Variants in ACOT12 observed in about 807,000 individuals in gnomAD.
The protein encoded by ACOT12 is acyl-CoA thioesterase 12, also known as acetyl-coenzyme A thioesterase.
In ACOT12, 51 loss-of-function variants were observed where a neutral mutation model predicts 67.7. That is an observed-to-expected ratio of 0.75 (90% CI 0.60 to 0.95). The LOEUF (loss-of-function observed/expected upper bound fraction) is 0.95, where lower values mean the gene tolerates loss of function less well. Among genes scored for constraint, ACOT12 ranks in the 40% least tolerant of loss-of-function variants. ACOT12 has a pLI of 0.00. For synonymous variants in ACOT12, 251 were observed against 244.6 expected (o/e 1.03, Z -0.24); for missense variants, 734 against 708.1 (o/e 1.04, Z -0.41).
chr5:81,373,838 G>A (rs903470382), intron 2 of ACOT12, among the ~76,000 whole-genome samples: 5 of 152,080 alleles, frequency 3.3e-5, no homozygotes, highest in Non-Finnish European at 5.9e-5. Flanking sequence ...CTCTGGGCAG[G>A]GCATCTCTGA....
chr5:81,376,135 C>T (rs529775885), intron 2 of ACOT12, among the ~76,000 whole-genome samples: 1 of 152,216 alleles, frequency 6.6e-6, no homozygotes, highest in African/African-American at 2.4e-5. Context: ...TCATAACAAA[C>T]AGTCTCTCAG....
At chr5:81,324,129 C>T in the ACOT12 span, among the ~76,000 whole-genome samples, 25 of 151,766 alleles carry the variant, frequency 1.6e-4, no homozygotes, top group Non-Finnish European at 3.4e-4. Context: ...TTAATAGAGA[C>T]GGGGTTTCAC....
intron 2 of ACOT12, among the ~76,000 whole-genome samples, chr5:81,381,023 A>G (rs1760567327): frequency 6.6e-6 from 1 of 152,110 alleles, no homozygotes; most frequent in South Asian, 2.1e-4. Context: ...GTATCCAAAC[A>G]TAGCTAAATG....
intron 11 of ACOT12, among the ~76,000 whole-genome samples, chr5:81,342,431 G>A (rs1759225353): frequency 6.6e-6 from 1 of 152,178 alleles, no homozygotes; most frequent in African/African-American, 2.4e-5. Context: ...AAGAGAAGGA[G>A]GGAGAGACGG....
the ACOT12 span, chr5:81,311,091 T>A: frequency 1.0e-6 from 1 of 962,984 alleles, no homozygotes; most frequent in Non-Finnish European, 1.7e-6. Context: ...ATGATCCTGG[T>A]CTAGCTACCT....
At chr5:81,335,141 A>G (rs867120353) in intron 12 of ACOT12, among the ~76,000 whole-genome samples, 2 of 152,204 alleles carry the variant, frequency 1.3e-5, no homozygotes, top group Non-Finnish European at 2.9e-5. Flanking sequence ...AATTCAGAGC[A>G]TGACAGACTT....
downstream of ACOT12, among the ~76,000 whole-genome samples, chr5:81,325,547 G>A (rs775239694): frequency 2.0e-5 from 3 of 151,944 alleles, no homozygotes; most frequent in African/African-American, 4.8e-5. Context: ...AATCTAAGCC[G>A]GACAAGGAAA....
Position 81,330,811 on chromosome 5 carries a change from T to TA in ACOT12, c.1518+2dup. The TA allele has an allele frequency of 6.2e-7, 1 of 1,612,900 alleles. No individual in the cohort carries two copies. The highest frequency in any genetic ancestry group is 1.7e-4 in the Middle Eastern group (1 of 6,056). ...TAATCTGCAGATGTTTCATCAAACT[T>TA]ACGATGCATGAATTGCTGTCAATAG... is the stretch of plus-strand genomic sequence containing the variant. On this transcript the variant is annotated splice_region_variant and intron_variant, in intron 14 of 14. Transcript: ENST00000307624.
At chr5:81,389,804 G>T (rs1760817057) in intron 1 of ACOT12, among the ~76,000 whole-genome samples, 1 of 151,840 alleles carries the variant, frequency 6.6e-6, no homozygotes, top group Non-Finnish European at 1.5e-5. Context: ...TGGGATTACA[G>T]GTGTGAGCCA....
chr5:81,343,649 A>G (rs1277520272), intron 10 of ACOT12, among the ~76,000 whole-genome samples, 169 bp downstream of exon 10: 1 of 152,242 alleles, frequency 6.6e-6, no homozygotes, highest in Non-Finnish European at 1.5e-5. Context: ...GCCGATTGGT[A>G]AGCAGTAACT....
At chr5:81,335,987 C>T in intron 11 of ACOT12, 86 bp from the exon 12 acceptor site, 3 of 1,350,364 alleles carry the variant, frequency 2.2e-6, no homozygotes, top group Non-Finnish European at 3.0e-6. Context: ...TAGTCATAGA[C>T]CAATTGCACT....
intron 2 of ACOT12, among the ~76,000 whole-genome samples, chr5:81,373,684 G>A (rs1455655856): frequency 6.6e-6 from 1 of 152,142 alleles, no homozygotes; most frequent in Non-Finnish European, 1.5e-5. Flanking sequence ...TTGGTGAGGG[G>A]AGGGGCGTCC....
chr5:81,389,083 G>C (rs1760801683), intron 1 of ACOT12, among the ~76,000 whole-genome samples: 1 of 152,156 alleles, frequency 6.6e-6, no homozygotes, highest in Non-Finnish European at 1.5e-5. Context: ...GATACATAAT[G>C]ACAAAATGGA....
chr5:81,321,277 A>T, the ACOT12 span, among the ~76,000 whole-genome samples: 1 of 152,092 alleles, frequency 6.6e-6, no homozygotes, highest in Non-Finnish European at 1.5e-5. Flanking sequence ...AAGAGAAAAG[A>T]AAAAAACCAG....
Position 81,371,806 on chromosome 5 carries a change from C to A in ACOT12, c.202G>T (p.Gly68Ter). 1 of 1,613,822 alleles carries A rather than the reference C, an allele frequency of 6.2e-7. No individual in the cohort carries two copies. The highest frequency in any genetic ancestry group is 8.5e-7 in the Non-Finnish European group (1 of 1,179,882). The change falls in exon 3 of 15, where the codon GGA (glycine) becomes TGA (stop). Residue 68 changes from glycine (G) to a stop codon, truncating the protein, a stop_gained. Transcript: ENST00000307624. LOFTEE classifies it high-confidence loss of function. The part of the protein sequence containing the change: ...DIQFEETARV[G>*]QVITIKAKVT... ...TTTGCTTTGATGGTTATAACTTGTC[C>A]AACTCTAGGGAAAAACAAACAAAAA...
chr5:81,378,028 G>A (rs1238862167), intron 2 of ACOT12, among the ~76,000 whole-genome samples: 1 of 152,134 alleles, frequency 6.6e-6, no homozygotes, highest in African/African-American at 2.4e-5. Context: ...GAATAGCCAA[G>A]ACAATCCTAA....
chr5:81,344,261 C>A (rs752371035), intron 8 of ACOT12, 46 bp from the exon 9 acceptor site: 2 of 1,537,514 alleles, frequency 1.3e-6, no homozygotes, highest in African/African-American at 1.4e-5. Context: ...AATAAAATAT[C>A]TACTATCTTA....
the ACOT12 span, among the ~76,000 whole-genome samples, chr5:81,313,958 C>T: frequency 3.3e-5 from 5 of 152,196 alleles, no homozygotes; most frequent in East Asian, 1.9e-4. Context: ...TCATCTAGTC[C>T]GAACGCACCC....
chr5:81,393,318 C>A (rs1384368453), intron 1 of ACOT12, among the ~76,000 whole-genome samples: 1 of 152,190 alleles, frequency 6.6e-6, no homozygotes, highest in African/African-American at 2.4e-5. Context: ...GTTATGCTAA[C>A]AATGTAGTCC....
Sources: allele counts gnomAD v4.1 joint callset (sites outside exome capture counted in the v4.1 genomes callset), GRCh38; gene constraint gnomAD v4.1.1; transcripts MANE v1.5; gene names NCBI Gene and HGNC (gene_info 2026-07-23, HGNC 2026-07-21).